MGAT5B: variants seen among roughly 807,000 people sequenced by gnomAD.
The protein encoded by MGAT5B is alpha-1,6-mannosylglycoprotein 6-beta-N-acetylglucosaminyltransferase B.
A neutral mutation model predicts 95.1 loss-of-function variants in MGAT5B; 54 were observed. The observed-to-expected ratio is 0.57, with a 90% CI of 0.46 to 0.71. The LOEUF (loss-of-function observed/expected upper bound fraction) is 0.71, where lower values mean the gene tolerates loss of function less well. Among genes scored for constraint, MGAT5B ranks in the 30% least tolerant of loss-of-function variants. The probability of loss-of-function intolerance (pLI) is 0.00; values close to 1 mark genes in which losing one functional copy is unlikely to be tolerated. For synonymous variants in MGAT5B, 464 were observed against 451.0 expected, an observed-to-expected ratio of 1.03 and a Z score of -0.36; for missense variants, 935 against 1,088.6, an observed-to-expected ratio of 0.86 and a Z score of 1.99.
At chr17:76,871,087 C>T (rs1004434243) in intron 1 of MGAT5B, among the ~76,000 whole-genome samples, 14 of 152,298 alleles carry the variant, frequency 9.2e-5, no homozygotes, top group Middle Eastern at 3.4e-3. Flanking sequence ...GCCCAGGTCC[C>T]CAGCTCTAAA....
rs895566938 is a variant in MGAT5B at position 76,914,400 on chromosome 17, G to A, written c.1025+8213G>A. On this transcript the variant is annotated intron_variant, in intron 8 of 17. Transcript: ENST00000569840. This position sits in a 1 kb window ranked among gnomAD's most constrained non-coding sequence, Gnocchi z 5.1. Reference sequence around the variant, plus strand: ...CAGGCAGGTGTGTTTGCCTCCTGGGGGTGACCAGTCAAAAGACCACATGCT... The same window carrying A: ...CAGGCAGGTGTGTTTGCCTCCTGGGAGTGACCAGTCAAAAGACCACATGCT... 6.6e-6 allele frequency among the ~76,000 whole-genome samples: 1 copy of A among 152,144 alleles called. No individual in the cohort carries two copies. The highest frequency in any genetic ancestry group is 1.5e-5 in the Non-Finnish European group (1 of 68,016).
At position 76,905,956 on chromosome 17, in the gene MGAT5B, G is replaced by C; in HGVS notation, c.856-62G>C. The stretch of plus-strand genomic sequence containing the variant: ...CGGCTGGTCTCCTGGCCGGTGCCCC[G>C]GGGGGGCGGGGCTCAGAGCTGCTGC... On this transcript the variant is annotated intron_variant, in intron 7 of 17. Coordinates refer to ENST00000569840, the MANE Select transcript of MGAT5B (RefSeq NM_001199172.2). The surrounding 1 kb of genome is among the most constrained non-coding windows in gnomAD (Gnocchi z 4.2). 3.4e-6 allele frequency: 5 copies of C among 1,488,728 alleles called. No individual in the cohort carries two copies. The highest frequency in any genetic ancestry group is 5.1e-5 in the East Asian group (2 of 39,216). The allele number at this position is 1,488,728 out of a possible 1,614,324, so 92.2% of individuals were successfully genotyped here. A position where few individuals can be genotyped will look rare whatever the true frequency, so the allele number is the denominator to read the frequency against.
Position 76,940,489 on chromosome 17 carries a change from A to G in MGAT5B, c.1672A>G (p.Ser558Gly), listed in dbSNP as rs1402713578. The G allele has an allele frequency of 6.2e-7, 1 of 1,613,786 alleles. No individual in the cohort carries two copies. Among genetic ancestry groups the G allele is most frequent in the Non-Finnish European group, 8.5e-7 (1 of 1,179,944 alleles). ...NGCIFLQSRF[S>G]PPHSSLNHEF... ...TTGCATCTTCCTGCAGTCCCGCTTC[A>G]GCCCGCCCCACAGCTCCCTCAACCA... The change falls in exon 14 of 18, where the codon AGC (serine) becomes GGC (glycine). Residue 558 changes from serine to glycine, a missense_variant. Physicochemically the swap from Ser to Gly is moderately conservative, Grantham distance 56. Transcript: ENST00000569840. The surrounding 1 kb of genome is among the most constrained non-coding windows in gnomAD (Gnocchi z 4.3).
chr17:76,935,383 A>C (rs1227482772), intron 12 of MGAT5B, among the ~76,000 whole-genome samples: 1 of 81,800 alleles, frequency 1.2e-5, no homozygotes, highest in Non-Finnish European at 2.8e-5. Flanking sequence ...GCCCAAGAAT[A>C]TAATGGCTGG....
chr17:76,884,675 C>G (rs1413877786), intron 3 of MGAT5B, among the ~76,000 whole-genome samples: 1 of 150,580 alleles, frequency 6.6e-6, no homozygotes, highest in Non-Finnish European at 1.5e-5. Context: ...ATGATCTCGG[C>G]TCACTGCAAG....
intron 10 of MGAT5B, among the ~76,000 whole-genome samples, chr17:76,927,960 T>C (rs983785399): frequency 6.6e-6 from 1 of 152,250 alleles, no homozygotes; most frequent in Admixed American, 6.5e-5. Context: ...ATTTGGCCTG[T>C]CAAATTCATG....
At chr17:76,902,204 C>T (rs1968337766) in intron 3 of MGAT5B, among the ~76,000 whole-genome samples, 1 of 152,114 alleles carries the variant, frequency 6.6e-6, no homozygotes, top group Admixed American at 6.5e-5. Flanking sequence ...TCTGACTGCT[C>T]AGGGAAGGTG....
At chr17:76,911,965 C>T (rs1968752431) in intron 8 of MGAT5B, among the ~76,000 whole-genome samples, 1 of 152,182 alleles carries the variant, frequency 6.6e-6, no homozygotes, top group Non-Finnish European at 1.5e-5. Flanking sequence ...CCTCAGGCCT[C>T]TCTCTGGGTT....
intron 3 of MGAT5B, among the ~76,000 whole-genome samples, chr17:76,882,754 A>C (rs1598898824): frequency 8.1e-6 from 1 of 122,870 alleles, no homozygotes. Context: ...TGACTCTGTC[A>C]CCCAGGCTGG....
chr17:76,939,225 T>C (rs1047148322), intron 13 of MGAT5B, among the ~76,000 whole-genome samples: 1 of 151,448 alleles, frequency 6.6e-6, no homozygotes, highest in African/African-American at 2.4e-5. Context: ...TTTGGCCAGG[T>C]GCGGTGGCTC....
intron 4 of MGAT5B, 32 bp from the exon 5 acceptor site, chr17:76,903,271 A>G: frequency 6.3e-7 from 1 of 1,589,492 alleles, no homozygotes; most frequent in Non-Finnish European, 8.6e-7. Flanking sequence ...TCCTTGGACC[A>G]GGGACTTCAG....
chr17:76,877,493 TG>T (rs1335740036), intron 2 of MGAT5B, among the ~76,000 whole-genome samples: 1 of 152,016 alleles, frequency 6.6e-6, no homozygotes, highest in African/African-American at 2.4e-5. Flanking sequence ...GCTCTGTGGA[TG>T]GCTCTGGCTC....
chr17:76,885,398 CT>C (rs1235484239), intron 3 of MGAT5B, among the ~76,000 whole-genome samples: 1 of 152,194 alleles, frequency 6.6e-6, no homozygotes, highest in Non-Finnish European at 1.5e-5. Flanking sequence ...AGGAGCAGGC[CT>C]TTTTGGTCTC....
Position 76,918,299 on chromosome 17 carries a change from CCT to C in MGAT5B, c.1026-6664_1026-6663del, listed in dbSNP as rs911868428. Among the ~76,000 whole-genome samples the C allele has an allele frequency of 1.3e-5, 2 of 152,136 alleles. No homozygotes were observed. The highest frequency in any genetic ancestry group is 4.8e-5 in the African/African-American group (2 of 41,436). On this transcript the variant is annotated intron_variant, in intron 8 of 17. Transcript: ENST00000569840. This position sits in a 1 kb window ranked among gnomAD's most constrained non-coding sequence, Gnocchi z 5.1. ...TCCATCTGCCTTTGGACTCCCTTTT[CCT>C]CTGAGCCAGGGACCCTGAGGGGGCC...
chr17:76,931,541 A>G (rs1969475860), intron 10 of MGAT5B, among the ~76,000 whole-genome samples: 1 of 152,210 alleles, frequency 6.6e-6, no homozygotes, highest in South Asian at 2.1e-4. Flanking sequence ...ACAGTTCTGT[A>G]TGGAGAGGGG....
At chr17:76,875,708 C>T (rs1967164945) in intron 2 of MGAT5B, among the ~76,000 whole-genome samples, 2 of 137,534 alleles carry the variant, frequency 1.5e-5, no homozygotes, top group Non-Finnish European at 1.5e-5. Flanking sequence ...TGTGAGTACA[C>T]CACCATATTT....
At chr17:76,919,828 G>T (rs1469103690) in intron 8 of MGAT5B, among the ~76,000 whole-genome samples, 1 of 152,242 alleles carries the variant, frequency 6.6e-6, no homozygotes, top group Non-Finnish European at 1.5e-5. Flanking sequence ...CACTCGCATT[G>T]TGGTGCAACC....
rs565145737 is a variant in MGAT5B, at chr17:76,918,521, C to G, written c.1026-6445C>G. Among the ~76,000 whole-genome samples, 1 of 152,174 alleles carries G rather than the reference C, an allele frequency of 6.6e-6. No homozygotes were observed. Among genetic ancestry groups the G allele is most frequent in the South Asian group, 2.1e-4 (1 of 4,834 alleles). On this transcript the variant is annotated intron_variant, in intron 8 of 17. Transcript: ENST00000569840. This position sits in a 1 kb window ranked among gnomAD's most constrained non-coding sequence, Gnocchi z 5.1. Reference sequence around the variant, plus strand: ...TGGGCAGGAAGAAAATGCTGCAGGACGGTGTAATTCTTTCCTCATTAGTGA... The same window carrying G: ...TGGGCAGGAAGAAAATGCTGCAGGAGGGTGTAATTCTTTCCTCATTAGTGA...
rs1197211459 is a variant in MGAT5B, at chr17:76,912,737, C to T, written c.1025+6550C>T. On this transcript the variant is annotated intron_variant, in intron 8 of 17. Transcript: ENST00000569840. The surrounding 1 kb of genome is among the most constrained non-coding windows in gnomAD (Gnocchi z 5.0). The stretch of plus-strand genomic sequence containing the variant: ...TGCTTCCGGGGTGAGGGAGGTGGCA[C>T]GAGGGAGCCGTGCGCTCTGTGATGA... Among the ~76,000 whole-genome samples, 10 of 152,038 alleles carry T rather than the reference C, an allele frequency of 6.6e-5. No homozygotes were observed. Among genetic ancestry groups the T allele is most frequent in the African/African-American group, 2.2e-4 (9 of 41,388 alleles).
Sources: allele counts gnomAD v4.1 joint callset (sites outside exome capture counted in the v4.1 genomes callset), GRCh38; gene constraint gnomAD v4.1.1; non-coding constraint Gnocchi (gnomAD v3.1); transcripts MANE v1.5; gene names NCBI Gene and HGNC (gene_info 2026-07-23, HGNC 2026-07-21).